Variants in TBX18 observed in about 807,000 individuals in gnomAD.
TBX18 encodes the protein T-box transcription factor 18, also known as T-box transcription factor TBX18.
In TBX18, 21 loss-of-function variants were observed where a neutral mutation model predicts 55.0. The ratio of observed to expected loss-of-function variants is 0.38; its 90% CI spans 0.27 to 0.55. The LOEUF (loss-of-function observed/expected upper bound fraction) is 0.55, where lower values mean the gene tolerates loss of function less well. Among genes scored for constraint, TBX18 ranks in the 20% least tolerant of loss-of-function variants. The probability of loss-of-function intolerance (pLI) is 0.73; values close to 1 mark genes in which losing one functional copy is unlikely to be tolerated. For synonymous variants in TBX18, 342 were observed against 326.1 expected (o/e 1.05, Z -0.53); for missense variants, 840 against 799.6 (o/e 1.05, Z -0.61).
chr6:84,746,751 A>G (rs1767205423), intron 5 of TBX18, among the ~76,000 whole-genome samples: 1 of 150,000 alleles, frequency 6.7e-6, no homozygotes, highest in Non-Finnish European at 1.5e-5. Context: ...AATTGAAACA[A>G]TACAGAGAAG....
intron 6 of TBX18, among the ~76,000 whole-genome samples, chr6:84,742,752 T>C (rs1365150688): frequency 3.3e-5 from 5 of 152,010 alleles, no homozygotes; most frequent in Non-Finnish European, 7.4e-5. Context: ...ATTCCTTTTC[T>C]GGTTAAGAAA....
chr6:84,757,456 T>TGAGGA (rs986817299), intron 3 of TBX18, among the ~76,000 whole-genome samples: 5 of 152,178 alleles, frequency 3.3e-5, no homozygotes, highest in Admixed American at 3.3e-4. Context: ...TACTATATAT[T>TGAGGA]GAGGACAAAG....
Position 84,764,256 on chromosome 6 carries a change from C to A in TBX18, c.-75G>T, listed in dbSNP as rs570422197. 1 of 1,373,940 alleles carries A rather than the reference C, an allele frequency of 7.3e-7. No homozygotes were observed. Among genetic ancestry groups the A allele is most frequent in the East Asian group, 3.0e-5 (1 of 32,932 alleles). The allele number at this position is 1,373,940 out of a possible 1,614,324, so 85.1% of individuals were successfully genotyped here. A position where few individuals can be genotyped will look rare whatever the true frequency, so the allele number is the denominator to read the frequency against. On this transcript the variant is annotated 5_prime_UTR_variant, in exon 1 of 8. Coordinates refer to ENST00000369663, the MANE Select transcript of TBX18 (RefSeq NM_001080508.3). ...GCACACGCGCGCTCTCGCTCTTCCCCCACCAAAAACTAAAAGGCTCTCGGG... is the reference window on the plus strand; with the variant it reads ...GCACACGCGCGCTCTCGCTCTTCCCACACCAAAAACTAAAAGGCTCTCGGG...
At chr6:84,759,570 T>C (rs1215009694) in intron 3 of TBX18, among the ~76,000 whole-genome samples, 2 of 150,814 alleles carry the variant, frequency 1.3e-5, no homozygotes, top group South Asian at 2.1e-4. Flanking sequence ...AGAGTAAAGA[T>C]TGGTTTGAAA....
rs748877513 is a variant in TBX18 at position 84,737,003 on chromosome 6, T to C, written c.1506A>G (p.Ser502=). The C allele has an allele frequency of 6.2e-7, 1 of 1,612,828 alleles. No homozygotes were observed. The highest frequency in any genetic ancestry group is 8.5e-7 in the Non-Finnish European group (1 of 1,179,326). ...MSPQLQYIMP[S]PSSNAFATNQ... Reference sequence around the variant, plus strand: ...TAGTGGCGAAGGCATTGCTGGAGGGTGATGGCATGATATACTGGAGCTGGG... The same window carrying C: ...TAGTGGCGAAGGCATTGCTGGAGGGCGATGGCATGATATACTGGAGCTGGG... Residue 502 remains serine, a synonymous_variant, in exon 8 of 8, where the codon TCA becomes TCG. Transcript: ENST00000369663.
At chr6:84,751,394 G>T (rs1767344782) in intron 4 of TBX18, among the ~76,000 whole-genome samples, 1 of 152,186 alleles carries the variant, frequency 6.6e-6, no homozygotes, top group Non-Finnish European at 1.5e-5. Context: ...AATGGCTGAT[G>T]TATGTCTTTG....
intron 4 of TBX18, among the ~76,000 whole-genome samples, chr6:84,752,261 C>T (rs1320582276): frequency 6.6e-6 from 1 of 152,050 alleles, no homozygotes; most frequent in Non-Finnish European, 1.5e-5. Context: ...AGAAAGGCAA[C>T]TGTGTCTAGT....
intron 4 of TBX18, among the ~76,000 whole-genome samples, chr6:84,748,587 A>T (rs1229630988): frequency 1.3e-5 from 2 of 152,184 alleles, no homozygotes; most frequent in Non-Finnish European, 2.9e-5. Context: ...ACACTCCAGC[A>T]TCTGTTTTTT....
At chr6:84,742,118 T>C (rs918317053) in intron 6 of TBX18, 1 of 152,176 alleles carries the variant, frequency 6.6e-6, no homozygotes, top group Non-Finnish European at 1.5e-5. Context: ...AAGAAAGCCA[T>C]ATATAGGCTC....
At chr6:84,756,304 C>A (rs1356721398) in intron 4 of TBX18, among the ~76,000 whole-genome samples, 1 of 152,198 alleles carries the variant, frequency 6.6e-6, no homozygotes, top group Non-Finnish European at 1.5e-5. Context: ...TACTGAGAAG[C>A]AATGAACCTC....
intron 5 of TBX18, among the ~76,000 whole-genome samples, chr6:84,746,343 G>A (rs1027554046): frequency 4.8e-4 from 71 of 148,978 alleles, no homozygotes; most frequent in African/African-American, 1.6e-3. Context: ...CCAAAAAATC[G>A]TTTTCTGTCC....
At chr6:84,748,799 T>C (rs1310293325) in intron 4 of TBX18, among the ~76,000 whole-genome samples, 1 of 152,126 alleles carries the variant, frequency 6.6e-6, no homozygotes, top group Non-Finnish European at 1.5e-5. Flanking sequence ...ATATTACAAA[T>C]TCAGAAAAGC....
chr6:84,747,891 T>C (rs1767238744), intron 5 of TBX18, 29 bp downstream of exon 5: 3 of 1,586,094 alleles, frequency 1.9e-6, no homozygotes, highest in Non-Finnish European at 2.6e-6. Flanking sequence ...ATGAAAAATC[T>C]ACAAAGATTC....
At chr6:84,755,575 T>A (rs1330464591) in intron 4 of TBX18, among the ~76,000 whole-genome samples, 2 of 152,094 alleles carry the variant, frequency 1.3e-5, no homozygotes, top group Admixed American at 1.3e-4. Context: ...AGCCAAGGAG[T>A]AATGCACTAA....
chr6:84,754,809 C>T (rs1013017600), intron 4 of TBX18, among the ~76,000 whole-genome samples: 1 of 152,144 alleles, frequency 6.6e-6, no homozygotes, highest in Non-Finnish European at 1.5e-5. Flanking sequence ...TAGGCTTCAT[C>T]CAATCAGTTG....
At chr6:84,750,247 T>C (rs1459341806) in intron 4 of TBX18, among the ~76,000 whole-genome samples, 3 of 144,036 alleles carry the variant, frequency 2.1e-5, no homozygotes, top group Non-Finnish European at 4.5e-5. Flanking sequence ...ATCGTGCCAC[T>C]GCACTCCAGC....
intron 5 of TBX18, among the ~76,000 whole-genome samples, chr6:84,746,594 A>G (rs1201286663): frequency 6.8e-6 from 1 of 146,808 alleles, no homozygotes; most frequent in African/African-American, 2.5e-5. Flanking sequence ...TATATAATGT[A>G]TATATCTTAT....
chr6:84,751,573 C>A (rs931873181), intron 4 of TBX18, among the ~76,000 whole-genome samples: 2 of 152,146 alleles, frequency 1.3e-5, no homozygotes, highest in Non-Finnish European at 2.9e-5. Context: ...TTTTTAATGT[C>A]TCATGTGGTC....
In TBX18 at chr6:84,763,926, C is replaced by A. The variant is rs746692131; in HGVS notation, c.256G>T (p.Ala86Ser). Residue 86 changes from alanine (A) to serine (S), a missense_variant, in exon 1 of 8, where the codon GCT (alanine) becomes TCT (serine). Transcript: ENST00000369663. ...CGCTCCAGGTCTGCGCCACTCCGAG[C>A]CGGCCCAGACGTCGCCCCAGCCGGC... is the stretch of plus-strand genomic sequence containing the variant. ...PPPAGATSGP[A>S]RSGADLERGA... 4 of 1,571,172 alleles carry A rather than the reference C, an allele frequency of 2.5e-6. No homozygotes were observed. The highest frequency in any genetic ancestry group is 2.6e-6 in the Non-Finnish European group (3 of 1,164,772).
Sources: gnomAD v4.1 joint callset for allele counts (sites outside exome capture counted in the v4.1 genomes callset) on GRCh38, gnomAD v4.1.1 for gene constraint, MANE v1.5 for transcripts, NCBI Gene and HGNC (gene_info 2026-07-23, HGNC 2026-07-21) for gene names.